TENM4: variants seen among roughly 807,000 people sequenced by gnomAD.
TENM4 encodes the protein teneurin-4.
In TENM4, 82 loss-of-function variants were observed where a neutral mutation model predicts 243.3. The observed-to-expected ratio is 0.34, with a 90% confidence interval of 0.28 to 0.40. The LOEUF (loss-of-function observed/expected upper bound fraction) is 0.40, where lower values mean the gene tolerates loss of function less well. Ranked by LOEUF, TENM4 falls within the 10% of genes least tolerant of loss-of-function variation. The probability of loss-of-function intolerance (pLI) is 1.00; values close to 1 mark genes in which losing one functional copy is unlikely to be tolerated. For synonymous variants in TENM4, 1,412 were observed against 1,456.3 expected (o/e 0.97, Z 0.69); for missense variants, 3,138 against 3,673.3 (o/e 0.85, Z 3.77).
Position 78,657,629 on chromosome 11 carries a change from T to G in TENM4, c.*429A>C, listed in dbSNP as rs1857927771. 2 of 356,816 alleles carry G rather than the reference T, an allele frequency of 5.6e-6. No individual in the cohort carries two copies. Among genetic ancestry groups the G allele is most frequent in the Non-Finnish European group, 1.0e-5 (2 of 190,972 alleles). The allele number at this position is 356,816 out of a possible 1,614,324, so 22.1% of individuals were successfully genotyped here. A position where few individuals can be genotyped will look rare whatever the true frequency, so the allele number is the denominator to read the frequency against. Reference sequence around the variant, plus strand: ...ACTGGCCCATCACTCCCTTTACTCCTGCCCGACCCCAGTCGAAGAAGAAAG... The same window carrying G: ...ACTGGCCCATCACTCCCTTTACTCCGGCCCGACCCCAGTCGAAGAAGAAAG... On this transcript the variant is annotated 3_prime_UTR_variant, in exon 34 of 34. Transcript: ENST00000278550.
At position 78,899,565 on chromosome 11, in the gene TENM4, G is replaced by C. The variant is rs1049846872; in HGVS notation, c.749+3703C>G. ...TGCACTCTGTCTCAAAAAGCGGGGG[G>C]GGGGGGAAAAAGAAAAAAGAAAGAA... On this transcript the variant is annotated intron_variant, in intron 7 of 33. Coordinates refer to ENST00000278550, the MANE Select transcript of TENM4 (RefSeq NM_001098816.3). 1.0e-4 allele frequency among the ~76,000 whole-genome samples: 14 copies of C among 134,058 alleles called. 2 individuals carry two copies. Among genetic ancestry groups the C allele is most frequent in the African/African-American group, 1.9e-4 (7 of 36,550 alleles). 87.9% of individuals were successfully genotyped at this position (134,058 alleles called of 152,430 possible). A position where few individuals can be genotyped will look rare whatever the true frequency, so the allele number is the denominator to read the frequency against.
At chr11:79,105,834 A>G (rs1268618538) in intron 4 of TENM4, among the ~76,000 whole-genome samples, 1 of 152,254 alleles carries the variant, frequency 6.6e-6, no homozygotes, top group East Asian at 1.9e-4. Context: ...TGAGAGAACC[A>G]GCTTATGCCG....
At chr11:79,152,197 G>A (rs1344162325) in intron 3 of TENM4, among the ~76,000 whole-genome samples, 1 of 152,178 alleles carries the variant, frequency 6.6e-6, no homozygotes, top group South Asian at 2.1e-4. Context: ...ATATTAATAT[G>A]TTGGTGTGGT....
At chr11:79,064,551 G>T in intron 6 of TENM4, 187 bp downstream of exon 6, 1 of 740,278 alleles carries the variant, frequency 1.4e-6, no homozygotes, top group South Asian at 1.9e-5. Flanking sequence ...CCCAATCTCT[G>T]GCATGTCACT....
intron 6 of TENM4, among the ~76,000 whole-genome samples, chr11:79,039,612 A>G (rs1336639206): frequency 6.6e-6 from 1 of 152,178 alleles, no homozygotes; most frequent in Non-Finnish European, 1.5e-5. Flanking sequence ...AGGGAGAGGT[A>G]GACACTCAAG....
At chr11:79,053,906 T>A (rs899157160) in intron 6 of TENM4, among the ~76,000 whole-genome samples, 70 of 152,164 alleles carry the variant, frequency 4.6e-4, no homozygotes, top group Non-Finnish European at 8.8e-5. Flanking sequence ...CTGCCTGGGT[T>A]GATTAGTGTG....
intron 6 of TENM4, among the ~76,000 whole-genome samples, chr11:79,035,048 A>G (rs956422182): frequency 1.3e-5 from 2 of 152,224 alleles, no homozygotes; most frequent in Non-Finnish European, 2.9e-5. Context: ...ATGCAAGGAC[A>G]TGAGGCCTTT....
At chr11:79,216,805 C>G (rs146598799) in intron 2 of TENM4, among the ~76,000 whole-genome samples, 55 of 152,270 alleles carry the variant, frequency 3.6e-4, no homozygotes, top group African/African-American at 1.3e-3. Flanking sequence ...AATTTCTTTT[C>G]TTTATAAACT....
At chr11:79,239,523 G>A (rs1332764905) in intron 2 of TENM4, among the ~76,000 whole-genome samples, 1 of 152,084 alleles carries the variant, frequency 6.6e-6, no homozygotes, top group Non-Finnish European at 1.5e-5. Flanking sequence ...AGACCTGGAT[G>A]CATGAACTCA....
chr11:78,801,413 A>G (rs117560430), intron 15 of TENM4, among the ~76,000 whole-genome samples: 3,103 of 152,304 alleles, frequency 0.02, 44 homozygotes, highest in South Asian at 0.041. Flanking sequence ...ATTTATCAGG[A>G]AGGAAGACCA....
At chr11:79,182,752 C>T (rs1014009574) in intron 3 of TENM4, among the ~76,000 whole-genome samples, 1 of 151,986 alleles carries the variant, frequency 6.6e-6, no homozygotes, top group Non-Finnish European at 1.5e-5. Context: ...TAAAATTGGG[C>T]AAAAGGTCTG....
intron 6 of TENM4, among the ~76,000 whole-genome samples, chr11:79,046,500 G>A (rs917669255): frequency 1.3e-5 from 2 of 152,146 alleles, no homozygotes; most frequent in African/African-American, 4.8e-5. Flanking sequence ...TTCCAGATGT[G>A]ACCTTATTTG....
At chr11:78,782,373 G>A (rs1856855369) in intron 16 of TENM4, among the ~76,000 whole-genome samples, 1 of 152,158 alleles carries the variant, frequency 6.6e-6, no homozygotes, top group East Asian at 1.9e-4. Flanking sequence ...CGAGGCAGGT[G>A]GATCACCTGA....
In TENM4 at chr11:79,402,732, T is replaced by A. The variant is rs572073343; in HGVS notation, c.-321+37777A>T. Among the ~76,000 whole-genome samples, 113 of 152,310 alleles carry A rather than the reference T, an allele frequency of 7.4e-4. 3 individuals carry two copies. In the South Asian group the frequency reaches 0.023, roughly 31 times the overall value. On this transcript the variant is annotated intron_variant, in intron 1 of 33. Coordinates refer to ENST00000278550, the MANE Select transcript of TENM4 (RefSeq NM_001098816.3). Reference sequence around the variant, plus strand: ...TTCCCCAACCTCTGGGCAGATTTCATCAGTTCCCCCATAGGAATGAGCAAA... The same window carrying A: ...TTCCCCAACCTCTGGGCAGATTTCAACAGTTCCCCCATAGGAATGAGCAAA...
chr11:79,351,885 T>C (rs17138171), intron 1 of TENM4, among the ~76,000 whole-genome samples: 21,373 of 152,002 alleles, frequency 0.14, 1,556 homozygotes, highest in Non-Finnish European at 0.17. Flanking sequence ...CAAGCCTAGA[T>C]TGGAGCCAAG....
At chr11:79,123,278 G>C in intron 4 of TENM4, among the ~76,000 whole-genome samples, 1 of 152,140 alleles carries the variant, frequency 6.6e-6, no homozygotes, top group Non-Finnish European at 1.5e-5. Context: ...AATAGTTATA[G>C]CACTATTTTT....
At chr11:78,807,680 T>A (rs775326194) in intron 14 of TENM4, among the ~76,000 whole-genome samples, 1 of 152,158 alleles carries the variant, frequency 6.6e-6, no homozygotes, top group African/African-American at 2.4e-5. Flanking sequence ...GACGGTGGTA[T>A]CCTGGGGAGA....
chr11:78,828,751 C>A (rs148799132), intron 12 of TENM4, among the ~76,000 whole-genome samples: 9 of 152,340 alleles, frequency 5.9e-5, no homozygotes, highest in Non-Finnish European at 1.2e-4. Context: ...CAGAAACTGC[C>A]CAGTGGCAAA....
intron 1 of TENM4, among the ~76,000 whole-genome samples, chr11:79,392,186 G>A (rs548239): frequency 0.42 from 64,192 of 152,030 alleles, 13,582 homozygotes; most frequent in Non-Finnish European, 0.46. Flanking sequence ...GTCTCAGAGC[G>A]GAAACCTTAA....
Sources: gnomAD v4.1 joint callset for allele counts (sites outside exome capture counted in the v4.1 genomes callset) on GRCh38, gnomAD v4.1.1 for gene constraint, MANE v1.5 for transcripts, NCBI Gene and HGNC (gene_info 2026-07-23, HGNC 2026-07-21) for gene names.